PRKAG2: variants seen among roughly 807,000 people sequenced by gnomAD.
PRKAG2 encodes 5'-AMP-activated protein kinase subunit gamma-2.
PRKAG2 carries 26 observed loss-of-function variants against 69.6 expected under a neutral mutation model. The observed-to-expected ratio is 0.37, with a 90% confidence interval of 0.27 to 0.52. PRKAG2 has a LOEUF of 0.52. Among genes scored for constraint, PRKAG2 ranks in the 20% least tolerant of loss-of-function variants. The pLI, the probability that PRKAG2 is intolerant of heterozygous loss-of-function variation, is 0.90. For missense variants in PRKAG2, 557 were observed against 740.0 expected, an observed-to-expected ratio of 0.75 and a Z score of 2.87; for synonymous variants, 293 against 285.0, an observed-to-expected ratio of 1.03 and a Z score of -0.28.
chr7:151,700,847 C>T (rs534740511), intron 3 of PRKAG2, among the ~76,000 whole-genome samples: 57 of 152,356 alleles, frequency 3.7e-4, no homozygotes, highest in African/African-American at 1.3e-3. Context: ...CCCAAATAAT[C>T]CTCAGTGCTT....
chr7:151,755,733 T>C (rs1225449417), intron 3 of PRKAG2, among the ~76,000 whole-genome samples: 5 of 152,220 alleles, frequency 3.3e-5, no homozygotes, highest in Non-Finnish European at 7.3e-5. Flanking sequence ...ATCTGGCTTT[T>C]TACAGGAAAC....
At chr7:151,579,806 G>A (rs1938353433) in intron 6 of PRKAG2, among the ~76,000 whole-genome samples, 1 of 152,136 alleles carries the variant, frequency 6.6e-6, no homozygotes, top group Admixed American at 6.5e-5. Flanking sequence ...AAATCAGCTA[G>A]AGGGGGAAAA....
rs12375163 is a variant in PRKAG2, at chr7:151,781,723, C to T, written c.187-292G>A. On this transcript the variant is annotated intron_variant, in intron 2 of 15. Coordinates refer to ENST00000287878, the MANE Select transcript of PRKAG2 (RefSeq NM_016203.4). This position sits in a 1 kb window ranked among gnomAD's most constrained non-coding sequence, Gnocchi z 6.1. ...AGGAGGTAGAGGGGAGGAAGGGAAG[C>T]GGAGCTCAAAATGAGCGTCTCCCTC... 0.13 allele frequency among the ~76,000 whole-genome samples: 19,599 copies of T among 152,160 alleles called. 1,562 individuals are homozygous for T. The highest frequency in any genetic ancestry group is 0.21 in the Admixed American group (3,224 of 15,288).
chr7:151,598,953 G>A (rs1194185552), intron 5 of PRKAG2, among the ~76,000 whole-genome samples: 1 of 151,952 alleles, frequency 6.6e-6, no homozygotes, highest in Non-Finnish European at 1.5e-5. Context: ...CAAGGTTCAA[G>A]AGATTCTCCT....
chr7:151,781,105 C>A lies in PRKAG2; in HGVS notation c.466+47G>T. ...GTGGATGTGTGGCTGCAGAAGAGAC[C>A]CCCAGCACCCCAGCACCCACCTGAA... On this transcript the variant is annotated intron_variant, in intron 3 of 15. Coordinates refer to ENST00000287878, the MANE Select transcript of PRKAG2 (RefSeq NM_016203.4). This position sits in a 1 kb window ranked among gnomAD's most constrained non-coding sequence, Gnocchi z 6.1. 6.2e-7 allele frequency: 1 copy of A among 1,610,876 alleles called. No homozygotes were observed. Among genetic ancestry groups the A allele is most frequent in the Non-Finnish European group, 8.5e-7 (1 of 1,178,850 alleles).
At chr7:151,584,800 G>T (rs1811263029) in intron 6 of PRKAG2, among the ~76,000 whole-genome samples, 1 of 152,214 alleles carries the variant, frequency 6.6e-6, no homozygotes, top group Non-Finnish European at 1.5e-5. Context: ...GGAAGGCTGT[G>T]GCAGGAGGAT....
intron 1 of PRKAG2, among the ~76,000 whole-genome samples, chr7:151,865,795 G>T (rs148562159): frequency 6.6e-6 from 1 of 152,128 alleles, no homozygotes; most frequent in Admixed American, 6.5e-5. Flanking sequence ...CAAGGCGGGC[G>T]GATCATGAGG....
intron 1 of PRKAG2, among the ~76,000 whole-genome samples, chr7:151,799,109 G>A (rs1006014862): frequency 4.6e-5 from 7 of 152,192 alleles, no homozygotes; most frequent in Admixed American, 2.6e-4. Context: ...CACCTCTAGC[G>A]CCTAAACCCA....
At chr7:151,870,154 T>TAGATAGATAGATAGATAGGC (rs1159760978) in intron 1 of PRKAG2, among the ~76,000 whole-genome samples, 30 of 138,436 alleles carry the variant, frequency 2.2e-4, no homozygotes, top group East Asian at 1.3e-3. Flanking sequence ...GATAGATAGA[T>TAGATAGATAGATAGATAGGC]AGGCAGGCAG....
intron 3 of PRKAG2, among the ~76,000 whole-genome samples, chr7:151,751,812 C>T (rs140693207): frequency 1.3e-5 from 2 of 152,264 alleles, no homozygotes; most frequent in Non-Finnish European, 2.9e-5. Context: ...CTCACCTGGC[C>T]AACTACTCTC....
At chr7:151,587,155 T>A (rs1054199620) in intron 6 of PRKAG2, among the ~76,000 whole-genome samples, 2 of 152,188 alleles carry the variant, frequency 1.3e-5, no homozygotes, top group African/African-American at 4.8e-5. Flanking sequence ...GAAAAAATAG[T>A]GCTTGGCAAA....
At chr7:151,716,085 G>A (rs1796141152) in intron 3 of PRKAG2, among the ~76,000 whole-genome samples, 1 of 152,156 alleles carries the variant, frequency 6.6e-6, no homozygotes, top group African/African-American at 2.4e-5. Context: ...AGGACACACA[G>A]GGCTTCAGTA....
In PRKAG2 at chr7:151,614,776, G is replaced by A. The variant is rs981203307; in HGVS notation, c.754+17293C>T. ...GAGTCCCCATCACCAGCAACCACCT[G>A]GCACTAATCACAATGGCTTTTCTGC... On this transcript the variant is annotated intron_variant, in intron 5 of 15. Coordinates refer to ENST00000287878, the MANE Select transcript of PRKAG2 (RefSeq NM_016203.4). The surrounding 1 kb of genome is among the most constrained non-coding windows in gnomAD (Gnocchi z 4.4). 6.6e-5 allele frequency among the ~76,000 whole-genome samples: 10 copies of A among 152,192 alleles called. No homozygotes were observed. Among genetic ancestry groups the A allele is most frequent in the African/African-American group, 2.4e-4 (10 of 41,444 alleles).
chr7:151,769,467 A>G (rs1031073564), intron 3 of PRKAG2, among the ~76,000 whole-genome samples: 2 of 152,244 alleles, frequency 1.3e-5, no homozygotes, highest in Non-Finnish European at 2.9e-5. Flanking sequence ...CCACAGGATG[A>G]TGAAGGCAGA....
intron 3 of PRKAG2, among the ~76,000 whole-genome samples, chr7:151,728,711 T>C (rs1798408056): frequency 2.0e-5 from 3 of 152,252 alleles, no homozygotes; most frequent in Admixed American, 6.5e-5. Flanking sequence ...GAACCCGGGC[T>C]CTCCAGAGGG....
intron 1 of PRKAG2, among the ~76,000 whole-genome samples, chr7:151,820,498 G>A (rs2078742886): frequency 6.1e-5 from 6 of 98,932 alleles, no homozygotes; most frequent in Admixed American, 2.0e-4. Flanking sequence ...ACACCGCTCC[G>A]TGGCCTGGCC....
chr7:151,743,609 TC>T (rs1204586477), intron 3 of PRKAG2, among the ~76,000 whole-genome samples: 2 of 152,172 alleles, frequency 1.3e-5, no homozygotes, highest in Non-Finnish European at 2.9e-5. Context: ...TTTAATTTTC[TC>T]CCCAGCTAGA....
chr7:151,855,915 C>A (rs868664321), intron 1 of PRKAG2, among the ~76,000 whole-genome samples: 14 of 152,172 alleles, frequency 9.2e-5, no homozygotes, highest in African/African-American at 3.1e-4. Context: ...GCTTGCAATG[C>A]AGTTACATAA....
At chr7:151,669,711 T>C (rs1413559318) in intron 4 of PRKAG2, among the ~76,000 whole-genome samples, 1 of 142,844 alleles carries the variant, frequency 7.0e-6, no homozygotes, top group African/African-American at 2.6e-5. Flanking sequence ...AGGCGCCTTA[T>C]TGGACTACCA....
Sources: gnomAD v4.1 joint callset for allele counts (sites outside exome capture counted in the v4.1 genomes callset) on GRCh38, gnomAD v4.1.1 for gene constraint, Gnocchi (gnomAD v3.1) non-coding constraint, MANE v1.5 for transcripts, NCBI Gene and HGNC (gene_info 2026-07-23, HGNC 2026-07-21) for gene names.